Variants in CFAP54 observed in about 807,000 individuals in gnomAD.
The protein encoded by CFAP54 is cilia- and flagella-associated protein 54.
A neutral mutation model predicts 370.4 loss-of-function variants in CFAP54; 290 were observed. The observed-to-expected ratio is 0.78, with a 90% CI of 0.71 to 0.86. CFAP54 has a LOEUF of 0.86. Among genes scored for constraint, CFAP54 ranks in the 40% least tolerant of loss-of-function variants. The pLI, the probability that CFAP54 is intolerant of heterozygous loss-of-function variation, is 0.00. For synonymous variants in CFAP54, 1,206 were observed against 1,236.5 expected (o/e 0.98, Z 0.52); for missense variants, 3,399 against 3,528.7 (o/e 0.96, Z 0.93).
Position 96,691,226 on chromosome 12 carries a change from T to C in CFAP54, c.6180T>C (p.Asp2060=), listed in dbSNP as rs962116944. 6.2e-7 allele frequency: 1 copy of C among 1,613,472 alleles called. No individual in the cohort carries two copies. The highest frequency in any genetic ancestry group is 8.5e-7 in the Non-Finnish European group (1 of 1,179,702). Residue 2060 remains aspartate, a synonymous_variant, in exon 44 of 68, where the codon GAT becomes GAC. Coordinates refer to ENST00000524981, the MANE Select transcript of CFAP54 (RefSeq NM_001306084.2). ...TCCCAGGCATTGAACTCTTCTCAGA[T>C]AGATACAGGGCTGACATTTGCTCTG... ...QLLPGIELFS[D]RYRADICSVI... is the part of the protein sequence containing the mutation.
At chr12:96,512,342 T>TAA (rs1354729035) in intron 4 of CFAP54, among the ~76,000 whole-genome samples, 15 of 94,182 alleles carry the variant, frequency 1.6e-4, no homozygotes, top group African/African-American at 5.5e-4. Flanking sequence ...TATATATATA[T>TAA]ATATATATGT....
chr12:96,778,642 G>A (rs1478406229), intron 60 of CFAP54, among the ~76,000 whole-genome samples: 5 of 152,082 alleles, frequency 3.3e-5, no homozygotes, highest in African/African-American at 1.2e-4. Context: ...CTGATTTACT[G>A]AAAATGGAAT....
chr12:96,625,899 A>T (rs1437940919), intron 29 of CFAP54, 92 bp downstream of exon 29: 1 of 962,612 alleles, frequency 1.0e-6, no homozygotes, highest in Non-Finnish European at 1.5e-6. Context: ...CTGCTTGAAG[A>T]TTTCACCTGT....
intron 64 of CFAP54, among the ~76,000 whole-genome samples, chr12:96,813,892 T>C (rs192714039): frequency 1.4e-4 from 21 of 152,234 alleles, no homozygotes; most frequent in African/African-American, 5.1e-4. Flanking sequence ...AAGAAGTACG[T>C]GGGAGGACAG....
rs749387731 is a variant in CFAP54, at chr12:96,765,245, CA to C, written c.8281+34del. 52 of 1,440,344 alleles carry C rather than the reference CA, an allele frequency of 3.6e-5. No individual in the cohort carries two copies. In the Admixed American group the frequency reaches 7.0e-4, roughly 20 times the overall value. 89.2% of individuals were successfully genotyped at this position (1,440,344 alleles called of 1,614,324 possible). ...TATGTTTGGATGTCTACATATTATG[CA>C]AAAAAACTGATATATGTAATATAGA... On this transcript the variant is annotated intron_variant, in intron 60 of 67. Coordinates refer to ENST00000524981, the MANE Select transcript of CFAP54 (RefSeq NM_001306084.2).
chr12:96,503,924 T>C lies in CFAP54; in HGVS notation c.462T>C (p.Tyr154=), dbSNP rs1227425799. 9 of 1,520,790 alleles carry C rather than the reference T, an allele frequency of 5.9e-6. No homozygotes were observed. The highest frequency in any genetic ancestry group is 1.7e-4 in the Middle Eastern group (1 of 5,960). 94.2% of individuals were successfully genotyped at this position (1,520,790 alleles called of 1,614,324 possible). The part of the protein sequence containing the change: ...KLALLQCYGR[Y]LQQFNTNFDE... The stretch of plus-strand genomic sequence containing the variant: ...CCCTTTTACAATGCTATGGAAGATA[T>C]CTTCAGCAGTTCAATACCAATTTTG... Residue 154 remains tyrosine, a synonymous_variant, in exon 3 of 68, where the codon TAT becomes TAC. Coordinates refer to ENST00000524981, the MANE Select transcript of CFAP54 (RefSeq NM_001306084.2).
At chr12:96,664,400 G>T (rs942308695) in intron 39 of CFAP54, among the ~76,000 whole-genome samples, 1 of 151,964 alleles carries the variant, frequency 6.6e-6, no homozygotes, top group Non-Finnish European at 1.5e-5. Context: ...TTCTATTCCT[G>T]CATTCATTTC....
intron 65 of CFAP54, among the ~76,000 whole-genome samples, chr12:96,825,436 A>T (rs185862830): frequency 0.013 from 1,508 of 118,134 alleles, 48 homozygotes; most frequent in African/African-American, 0.05. Flanking sequence ...TATTATATAT[A>T]ATATATGTTA....
intron 36 of CFAP54, among the ~76,000 whole-genome samples, chr12:96,654,789 A>C (rs1054093095): frequency 4.2e-5 from 6 of 144,036 alleles, no homozygotes; most frequent in African/African-American, 1.5e-4. Context: ...TGTAAGTGAG[A>C]GCATACAATA....
At chr12:96,620,925 G>C (rs1956480085) in intron 26 of CFAP54, among the ~76,000 whole-genome samples, 1 of 152,216 alleles carries the variant, frequency 6.6e-6, no homozygotes, top group African/African-American at 2.4e-5. Context: ...TATTTTGTAA[G>C]ATTAAAGTAC....
chr12:96,638,826 A>G (rs912828133), intron 32 of CFAP54, among the ~76,000 whole-genome samples: 1 of 152,212 alleles, frequency 6.6e-6, no homozygotes, highest in African/African-American at 2.4e-5. Context: ...GTGCTAAAAC[A>G]AAAATGATGT....
chr12:96,626,860 G>A lies in CFAP54; in HGVS notation c.4024G>A (p.Val1342Ile). The A allele has an allele frequency of 4.9e-6, 7 of 1,423,014 alleles. No homozygotes were observed. The highest frequency in any genetic ancestry group is 6.5e-6 in the Non-Finnish European group (7 of 1,076,276). The allele number at this position is 1,423,014 out of a possible 1,614,324, so 88.1% of individuals were successfully genotyped here. ...KPRFLEFFTQ[V>I]MLKCMNEEKF... The stretch of plus-strand genomic sequence containing the variant: ...AAGATTTCTGGAATTCTTTACACAA[G>A]TTATGCTAAAATGCATGAATGAGGA... The change falls in exon 30 of 68, where the codon GTT becomes ATT. Residue 1342 changes from valine to isoleucine, a missense_variant. Val to Ile is a conservative substitution (Grantham distance 29). Around this residue, in one of 3 missense-constraint regions of CFAP54, gnomAD observed 2,796 missense variants for 2,869.7 expected, o/e 0.97. Coordinates refer to ENST00000524981, the MANE Select transcript of CFAP54 (RefSeq NM_001306084.2).
intron 17 of CFAP54, among the ~76,000 whole-genome samples, chr12:96,562,078 G>A (rs57642964): frequency 0.1 from 15,203 of 151,978 alleles, 1,237 homozygotes; most frequent in East Asian, 0.45. Flanking sequence ...GAGCCACTGC[G>A]CCTGACCACA....
At chr12:96,756,672 A>C (rs1958261990) in intron 57 of CFAP54, 109 bp downstream of exon 57, 1 of 713,540 alleles carries the variant, frequency 1.4e-6, no homozygotes, top group Non-Finnish European at 2.4e-6. Context: ...TTCTGAAAGC[A>C]GGGCTAGTTC....
At chr12:96,659,645 G>A (rs183392110) in intron 38 of CFAP54, among the ~76,000 whole-genome samples, 2 of 152,276 alleles carry the variant, frequency 1.3e-5, no homozygotes, top group East Asian at 1.9e-4. Context: ...TGAAAGTCAT[G>A]GTATATCTTG....
chr12:96,673,571 C>T (rs1455469399), intron 39 of CFAP54, among the ~76,000 whole-genome samples: 1 of 152,084 alleles, frequency 6.6e-6, no homozygotes, highest in Non-Finnish European at 1.5e-5. Context: ...TTGGTCTATG[C>T]TCTTGGGTTT....
chr12:96,517,397 T>G (rs78630978), intron 5 of CFAP54, among the ~76,000 whole-genome samples: 1,867 of 152,318 alleles, frequency 0.012, 37 homozygotes, highest in African/African-American at 0.043. Flanking sequence ...AATTGTTAAC[T>G]GAAGCTATTT....
intron 60 of CFAP54, among the ~76,000 whole-genome samples, chr12:96,771,280 G>A (rs1199394575): frequency 6.6e-6 from 1 of 152,124 alleles, no homozygotes; most frequent in Non-Finnish European, 1.5e-5. Flanking sequence ...GAGTGGGCTT[G>A]TCCACAAACT....
chr12:96,562,739 GT>G (rs1486937667), intron 17 of CFAP54, among the ~76,000 whole-genome samples: 1 of 151,620 alleles, frequency 6.6e-6, no homozygotes, highest in Non-Finnish European at 1.5e-5. Flanking sequence ...CCTGTATTCT[GT>G]TTATATAAAA....
Sources: allele counts gnomAD v4.1 joint callset (sites outside exome capture counted in the v4.1 genomes callset), GRCh38; gene constraint gnomAD v4.1.1; regional missense constraint gnomAD v4.1.1; transcripts MANE v1.5; gene names NCBI Gene and HGNC (gene_info 2026-07-23, HGNC 2026-07-21).